Variants in SORCS2 observed in about 807,000 individuals in gnomAD.
SORCS2 encodes sortilin related VPS10 domain containing receptor 2.
Under a neutral mutation model 141.6 loss-of-function variants are expected in SORCS2, and 100 were observed. The observed-to-expected ratio is 0.71, with a 90% CI of 0.60 to 0.83. SORCS2 has a LOEUF of 0.83. Among genes scored for constraint, SORCS2 ranks in the 40% least tolerant of loss-of-function variants. The probability of loss-of-function intolerance (pLI) is 0.00; values close to 1 mark genes in which losing one functional copy is unlikely to be tolerated. For missense variants in SORCS2, 1,646 were observed against 1,560.2 expected (o/e 1.05, Z -0.93); for synonymous variants, 789 against 676.9 (o/e 1.17, Z -2.57).
intron 4 of SORCS2, among the ~76,000 whole-genome samples, chr4:7,652,239 G>C (rs1046565238): frequency 7.2e-5 from 11 of 152,160 alleles, no homozygotes; most frequent in African/African-American, 2.7e-4. Context: ...ATGAAGGAGG[G>C]GGAGGCCCTT....
At chr4:7,277,917 G>A (rs527813073) in intron 1 of SORCS2, among the ~76,000 whole-genome samples, 1 of 152,336 alleles carries the variant, frequency 6.6e-6, no homozygotes, top group East Asian at 1.9e-4. Context: ...CTCCGGGGGA[G>A]GCTGTACCCA....
intron 2 of SORCS2, among the ~76,000 whole-genome samples, chr4:7,500,874 C>T (rs534770879): frequency 4.1e-4 from 62 of 152,296 alleles, no homozygotes; most frequent in African/African-American, 1.4e-3. Context: ...CTGCGGGCAG[C>T]CCCCGCAGAA....
intron 1 of SORCS2, among the ~76,000 whole-genome samples, chr4:7,264,292 C>T (rs1714569697): frequency 6.6e-6 from 1 of 152,228 alleles, no homozygotes; most frequent in South Asian, 2.1e-4. Context: ...CCATGTCCCG[C>T]ACCTCCCTCA....
In SORCS2 at chr4:7,360,311, A is replaced by G. The variant is rs186011667; in HGVS notation, c.481-35977A>G. Among the ~76,000 whole-genome samples, 1,264 of 152,264 alleles carry G rather than the reference A, an allele frequency of 8.3e-3. 16 individuals are homozygous for G. Among genetic ancestry groups the G allele is most frequent in the African/African-American group, 0.029 (1,219 of 41,544 alleles). Reference sequence around the variant, plus strand: ...TCAGAGAGGTGAGGTGACATGCCCCAAATTTCACAGCAGGACGGTGGCAGG... The same window carrying G: ...TCAGAGAGGTGAGGTGACATGCCCCGAATTTCACAGCAGGACGGTGGCAGG... On this transcript the variant is annotated intron_variant, in intron 1 of 26. Coordinates refer to ENST00000507866, the MANE Select transcript of SORCS2 (RefSeq NM_020777.3).
chr4:7,499,344 T>G (rs1239947703), intron 2 of SORCS2, among the ~76,000 whole-genome samples: 1 of 151,928 alleles, frequency 6.6e-6, no homozygotes, highest in Non-Finnish European at 1.5e-5. Context: ...CTGGAGGCCA[T>G]GGGGAGCTAT....
intron 2 of SORCS2, among the ~76,000 whole-genome samples, chr4:7,468,496 G>T (rs1285321424): frequency 3.9e-5 from 6 of 152,246 alleles, no homozygotes; most frequent in Admixed American, 1.3e-4. Context: ...GAGGATGGGG[G>T]TTACTTTCCT....
At chr4:7,314,880 G>A (rs1560185752) in intron 1 of SORCS2, among the ~76,000 whole-genome samples, 3 of 148,652 alleles carry the variant, frequency 2.0e-5, no homozygotes, top group Non-Finnish European at 4.5e-5. Flanking sequence ...TGCCCAGGTT[G>A]GAGTGCAGTG....
Position 7,561,867 on chromosome 4 carries a change from C to G in SORCS2, c.648+30238C>G, listed in dbSNP as rs116204774. 7.9e-5 allele frequency among the ~76,000 whole-genome samples: 12 copies of G among 152,240 alleles called. No homozygotes were observed. The South Asian group carries it at 2.1e-3, about 26-fold the overall frequency. On this transcript the variant is annotated intron_variant, in intron 3 of 26. Coordinates refer to ENST00000507866, the MANE Select transcript of SORCS2 (RefSeq NM_020777.3). ...TCCATCCATCTACCCATCCATCAGTCTACTCATCCATTCATCCATCTACCT... is the reference window on the plus strand; with the variant it reads ...TCCATCCATCTACCCATCCATCAGTGTACTCATCCATTCATCCATCTACCT...
intron 19 of SORCS2, 86 bp from the exon 20 acceptor site, chr4:7,725,068 T>C (rs1727116442): frequency 2.8e-6 from 4 of 1,433,500 alleles, no homozygotes; most frequent in African/African-American, 1.5e-5. Context: ...AGCAATGAAG[T>C]TGCTGGTGAC....
At chr4:7,349,635 A>G (rs1409136840) in intron 1 of SORCS2, among the ~76,000 whole-genome samples, 1 of 152,212 alleles carries the variant, frequency 6.6e-6, no homozygotes, top group Non-Finnish European at 1.5e-5. Flanking sequence ...GGGCTTGGAC[A>G]AAGTGAGCAG....
At chr4:7,432,688 G>GGC (rs371579178) in intron 2 of SORCS2, 118 of 149,530 alleles carry the variant, frequency 7.9e-4, no homozygotes, top group African/African-American at 3.0e-3. Flanking sequence ...TGAGACATGG[G>GGC]GGGGGACTGC....
intron 2 of SORCS2, among the ~76,000 whole-genome samples, chr4:7,454,101 G>A (rs1340589870): frequency 9.3e-5 from 12 of 129,574 alleles, no homozygotes; most frequent in African/African-American, 3.7e-4. Context: ...TTGGGGTCAG[G>A]TGCTGTGTTG....
intron 2 of SORCS2, among the ~76,000 whole-genome samples, chr4:7,454,299 T>C (rs1237998412): frequency 8.1e-6 from 1 of 123,144 alleles, no homozygotes; most frequent in Non-Finnish European, 1.7e-5. Context: ...AGGCGCTGTG[T>C]TGGGGTTAGG....
At chr4:7,588,113 C>T (rs1716662634) in intron 3 of SORCS2, among the ~76,000 whole-genome samples, 1 of 152,162 alleles carries the variant, frequency 6.6e-6, no homozygotes, top group African/African-American at 2.4e-5. Context: ...AAGTGAGAAA[C>T]GCCGCCCATC....
At chr4:7,631,781 C>A (rs191617925) in intron 3 of SORCS2, among the ~76,000 whole-genome samples, 1 of 152,300 alleles carries the variant, frequency 6.6e-6, no homozygotes, top group East Asian at 1.9e-4. Context: ...CCCTCCCAGC[C>A]CTCCCTTCCC....
chr4:7,740,396 C>A lies in SORCS2; in HGVS notation c.*132C>A. 1 of 781,902 alleles carries A rather than the reference C, an allele frequency of 1.3e-6. No homozygotes were observed. The highest frequency in any genetic ancestry group is 2.1e-6 in the Non-Finnish European group (1 of 474,292). 48.4% of individuals were successfully genotyped at this position (781,902 alleles called of 1,614,324 possible). On this transcript the variant is annotated 3_prime_UTR_variant, in exon 27 of 27. Transcript: ENST00000507866. ...AGTCGTCGCCACACCAGGCGACAGGCACCACCCCCTCTGATAAATCCAAGC... is the reference window on the plus strand; with the variant it reads ...AGTCGTCGCCACACCAGGCGACAGGAACCACCCCCTCTGATAAATCCAAGC...
intron 1 of SORCS2, among the ~76,000 whole-genome samples, chr4:7,373,809 T>G (rs1265772199): frequency 1.3e-5 from 2 of 152,058 alleles, no homozygotes; most frequent in Non-Finnish European, 2.9e-5. Flanking sequence ...ATATTCTGAC[T>G]GCAAATCCAT....
chr4:7,436,609 T>C (rs148937629), intron 2 of SORCS2, among the ~76,000 whole-genome samples: 1 of 152,318 alleles, frequency 6.6e-6, no homozygotes, highest in Non-Finnish European at 1.5e-5. Flanking sequence ...GGCATTGTCT[T>C]TGTATGATTG....
chr4:7,487,971 C>G (rs1731095837), intron 2 of SORCS2, among the ~76,000 whole-genome samples: 1 of 152,176 alleles, frequency 6.6e-6, no homozygotes, highest in Non-Finnish European at 1.5e-5. Context: ...GAGCCGCTCG[C>G]TCATCAGCAA....
Sources: gnomAD v4.1 joint callset for allele counts (sites outside exome capture counted in the v4.1 genomes callset) on GRCh38, gnomAD v4.1.1 for gene constraint, MANE v1.5 for transcripts, NCBI Gene and HGNC (gene_info 2026-07-23, HGNC 2026-07-21) for gene names.